The following KCNK2 variants were observed in gnomAD, a reference collection of about 807,000 sequenced individuals.
KCNK2 encodes potassium channel subfamily K member 2.
In KCNK2, 21 loss-of-function variants were observed where a neutral mutation model predicts 40.5. The ratio of observed to expected loss-of-function variants is 0.52; its 90% CI spans 0.37 to 0.75. The LOEUF is 0.75. KCNK2 is among the 30% of genes least tolerant of loss of function. KCNK2 has a pLI of 0.00. For synonymous variants in KCNK2, 191 were observed against 202.2 expected, an observed-to-expected ratio of 0.94 and a Z score of 0.47; for missense variants, 399 against 531.6, an observed-to-expected ratio of 0.75 and a Z score of 2.45.
At position 215,173,692 on chromosome 1, in the gene KCNK2, G is replaced by GTT. The variant is rs981576288; in HGVS notation, c.823+1512_823+1513dup. The stretch of plus-strand genomic sequence containing the variant: ...TGGTGTGAGATGGTGTCTCATTGTG[G>GTT]TTTTGATTTGCATTTCTCTGATGGC... On this transcript the variant is annotated intron_variant, in intron 5 of 6. Coordinates refer to ENST00000444842, the MANE Select transcript of KCNK2 (RefSeq NM_001017425.3). Among the ~76,000 whole-genome samples the GTT allele has an allele frequency of 8.8e-4, 134 of 152,246 alleles. 2 individuals are homozygous for GTT. The highest frequency in any genetic ancestry group is 3.2e-3 in the African/African-American group (133 of 41,544).
intron 1 of KCNK2, among the ~76,000 whole-genome samples, chr1:215,009,059 T>C (rs1188468448): frequency 1.3e-5 from 2 of 152,140 alleles, no homozygotes; most frequent in African/African-American, 2.4e-5. Flanking sequence ...GAAAAGCCAC[T>C]GTAGCCAACA....
chr1:215,215,595 T>C (rs1454681925), intron 6 of KCNK2, among the ~76,000 whole-genome samples: 2 of 152,186 alleles, frequency 1.3e-5, no homozygotes, highest in Non-Finnish European at 2.9e-5. Flanking sequence ...ACAGCTCTGA[T>C]GGCCACAGAC....
At chr1:215,036,326 C>T (rs1657384334) in intron 1 of KCNK2, among the ~76,000 whole-genome samples, 1 of 151,826 alleles carries the variant, frequency 6.6e-6, no homozygotes, top group Admixed American at 6.6e-5. Context: ...TCTCTGATGC[C>T]TTTGGTGAAA....
chr1:215,086,290 C>T (rs1199115384), intron 1 of KCNK2, 78 bp from the exon 2 acceptor site: 9 of 1,202,940 alleles, frequency 7.5e-6, no homozygotes, highest in African/African-American at 1.5e-5. Flanking sequence ...TCAACCTTCT[C>T]TGACCCCTTA....
intron 1 of KCNK2, 91 bp from the exon 2 acceptor site, chr1:215,086,277 C>T: frequency 1.9e-6 from 2 of 1,065,970 alleles, no homozygotes; most frequent in Non-Finnish European, 2.8e-6. Context: ...GAGCGGAATT[C>T]AATCAACCTT....
chr1:215,086,257 C>A, intron 1 of KCNK2, 111 bp from the exon 2 acceptor site: 1 of 861,870 alleles, frequency 1.2e-6, no homozygotes, highest in Non-Finnish European at 1.8e-6. Context: ...AGAGCTTCCA[C>A]TAGGAGAGCG....
At chr1:215,164,657 C>T (rs1033727873) in intron 3 of KCNK2, among the ~76,000 whole-genome samples, 5 of 152,160 alleles carry the variant, frequency 3.3e-5, no homozygotes, top group Non-Finnish European at 5.9e-5. Context: ...TTATTTCTGT[C>T]TTAATTTCAT....
intron 2 of KCNK2, among the ~76,000 whole-genome samples, chr1:215,108,110 G>T (rs1660518235): frequency 6.6e-6 from 1 of 151,694 alleles, no homozygotes; most frequent in East Asian, 2.0e-4. Context: ...TTACAATAGG[G>T]TTTGAGCTCC....
intron 2 of KCNK2, among the ~76,000 whole-genome samples, chr1:215,091,780 T>A (rs1196126357): frequency 6.6e-6 from 1 of 152,046 alleles, no homozygotes; most frequent in Non-Finnish European, 1.5e-5. Context: ...GACTTTTAAG[T>A]AAAGAGTGAG....
At chr1:215,108,918 T>C (rs141878169) in intron 2 of KCNK2, among the ~76,000 whole-genome samples, 1 of 152,140 alleles carries the variant, frequency 6.6e-6, no homozygotes, top group Non-Finnish European at 1.5e-5. Flanking sequence ...TATAATGTTA[T>C]GTAAAAAGCA....
At chr1:215,018,059 G>T (rs1291234155) in intron 1 of KCNK2, among the ~76,000 whole-genome samples, 4 of 152,096 alleles carry the variant, frequency 2.6e-5, no homozygotes, top group African/African-American at 9.7e-5. Context: ...AATTGCATAT[G>T]CACAATTGAG....
At chr1:215,160,841 T>C (rs1044962277) in intron 3 of KCNK2, among the ~76,000 whole-genome samples, 12 of 152,176 alleles carry the variant, frequency 7.9e-5, no homozygotes, top group Non-Finnish European at 1.8e-4. Context: ...CAGGTTGCTC[T>C]TGGGTTTCAG....
chr1:215,016,331 T>C (rs952464292), intron 1 of KCNK2, among the ~76,000 whole-genome samples: 2 of 151,988 alleles, frequency 1.3e-5, no homozygotes, highest in Non-Finnish European at 2.9e-5. Context: ...ACTGGAGGCA[T>C]CACACTCCCT....
At chr1:215,187,249 A>G (rs927674105) in intron 5 of KCNK2, among the ~76,000 whole-genome samples, 2 of 152,182 alleles carry the variant, frequency 1.3e-5, no homozygotes, top group African/African-American at 2.4e-5. Context: ...GGATTTTAAA[A>G]GCATCAATAA....
At chr1:215,144,459 A>C (rs1314269511) in intron 3 of KCNK2, among the ~76,000 whole-genome samples, 1 of 152,094 alleles carries the variant, frequency 6.6e-6, no homozygotes, top group Admixed American at 6.6e-5. Context: ...ACAGTAGTTG[A>C]TGAGTTTTGA....
At chr1:215,141,054 C>T (rs1207542609) in intron 3 of KCNK2, among the ~76,000 whole-genome samples, 1 of 151,998 alleles carries the variant, frequency 6.6e-6, no homozygotes, top group Non-Finnish European at 1.5e-5. Context: ...TAGCCTAGAC[C>T]TACACAGGGT....
chr1:215,105,287 G>C (rs1571618160), intron 2 of KCNK2, among the ~76,000 whole-genome samples: 1 of 151,986 alleles, frequency 6.6e-6, no homozygotes, highest in Non-Finnish European at 1.5e-5. Flanking sequence ...GCTTCCATGA[G>C]TTTGGCCATT....
chr1:215,094,660 A>G (rs1338079748), intron 2 of KCNK2, among the ~76,000 whole-genome samples: 1 of 152,104 alleles, frequency 6.6e-6, no homozygotes, highest in Non-Finnish European at 1.5e-5. Flanking sequence ...AGACATTTTC[A>G]TGTACTATTT....
Position 215,007,047 on chromosome 1 carries a change from GTGTA to G in KCNK2, c.34+1094_34+1097del, listed in dbSNP as rs1428524182. Among the ~76,000 whole-genome samples the G allele has an allele frequency of 1.1e-3, 130 of 115,426 alleles. 3 individuals are homozygous for G. Among genetic ancestry groups the G allele is most frequent in the African/African-American group, 4.7e-3 (123 of 26,044 alleles). 75.7% of individuals were successfully genotyped at this position (115,426 alleles called of 152,430 possible). ...TATATATATATATATATGTGTGTGT[GTGTA>G]TATATATATGTGTGTGTGTGTATAT... On this transcript the variant is annotated intron_variant, in intron 1 of 6. Transcript: ENST00000391895.
Sources: gnomAD v4.1 joint callset for allele counts (sites outside exome capture counted in the v4.1 genomes callset) on GRCh38, gnomAD v4.1.1 for gene constraint, MANE v1.5 for transcripts, NCBI Gene and HGNC (gene_info 2026-07-23, HGNC 2026-07-21) for gene names.